CASR: variants seen among roughly 807,000 people sequenced by gnomAD.
CASR encodes calcium sensing receptor, also known as extracellular calcium-sensing receptor.
Under a neutral mutation model 69.1 loss-of-function variants are expected in CASR, and 23 were observed. The observed-to-expected ratio is 0.33, with a 90% CI of 0.24 to 0.47. The LOEUF (loss-of-function observed/expected upper bound fraction) is 0.47. CASR is among the 20% of genes least tolerant of loss of function. The probability of loss-of-function intolerance (pLI) is 1.00; values close to 1 mark genes in which losing one functional copy is unlikely to be tolerated. For synonymous variants in CASR, 541 were observed against 544.7 expected (o/e 0.99, Z 0.10); for missense variants, 924 against 1,356.1 (o/e 0.68, Z 5.00).
At chr3:122,261,470 A>G (rs1200059693) in intron 3 of CASR, 58 bp from the exon 4 acceptor site, 4 of 1,536,968 alleles carry the variant, frequency 2.6e-6, no homozygotes, top group Non-Finnish European at 3.6e-6. Context: ...CTGGAGGCTC[A>G]CTCAGCACCT....
In CASR at chr3:122,282,301, A is replaced by C. The variant is rs1357323457; in HGVS notation, c.1732+65A>C. On this transcript the variant is annotated intron_variant, in intron 6 of 6. Transcript: ENST00000639785. Reference sequence around the variant, plus strand: ...CACTTCGGAGGCCTGGGGTCAGTGAAGCCCATGGAAGGGCTGGGCTGAGAT... The same window carrying C: ...CACTTCGGAGGCCTGGGGTCAGTGACGCCCATGGAAGGGCTGGGCTGAGAT... 4 of 1,509,138 alleles carry C rather than the reference A, an allele frequency of 2.7e-6. No individual in the cohort carries two copies. The East Asian group carries it at 9.0e-5, about 34-fold the overall frequency. The allele number at this position is 1,509,138 out of a possible 1,614,324, so 93.5% of individuals were successfully genotyped here.
rs182318194 is a variant in CASR, at chr3:122,255,577, G to C, written c.185+1203G>C. 5.2e-3 allele frequency among the ~76,000 whole-genome samples: 794 copies of C among 152,250 alleles called. 8 individuals carry two copies. The highest frequency in any genetic ancestry group is 0.018 in the African/African-American group (756 of 41,558). On this transcript the variant is annotated intron_variant, in intron 2 of 6. Transcript: ENST00000639785. The stretch of plus-strand genomic sequence containing the variant: ...CCCTGCTGCACAGAGCTGTACATGT[G>C]CCATGTGTATACAGACCTAAGATCA...
chr3:122,277,429 G>A (rs1277381705), intron 5 of CASR, among the ~76,000 whole-genome samples: 1 of 152,126 alleles, frequency 6.6e-6, no homozygotes, highest in Non-Finnish European at 1.5e-5. Flanking sequence ...GGTTCCTGAT[G>A]AGATGCTACA....
intron 1 of CASR, among the ~76,000 whole-genome samples, chr3:122,250,792 G>A (rs1016176601): frequency 2.6e-5 from 4 of 152,092 alleles, no homozygotes; most frequent in Non-Finnish European, 4.4e-5. Context: ...GACACTGTAC[G>A]AAGTAAGTGC....
chr3:122,273,079 C>A (rs574183980), intron 4 of CASR, among the ~76,000 whole-genome samples: 2 of 152,306 alleles, frequency 1.3e-5, no homozygotes, highest in East Asian at 3.9e-4. Flanking sequence ...AGGAGAAAAG[C>A]AGCTTGTTGC....
chr3:122,229,501 A>G (rs2074259895), intron 1 of CASR, among the ~76,000 whole-genome samples: 1 of 151,606 alleles, frequency 6.6e-6, no homozygotes, highest in Non-Finnish European at 1.5e-5. Flanking sequence ...TTAATGTTCC[A>G]ATAAAATGCA....
At chr3:122,191,906 G>A (rs1263702992) in intron 1 of CASR, among the ~76,000 whole-genome samples, 4 of 152,316 alleles carry the variant, frequency 2.6e-5, no homozygotes, top group Admixed American at 1.3e-4. Context: ...ACATTAAGAT[G>A]TTGAAGATAA....
intron 4 of CASR, among the ~76,000 whole-genome samples, chr3:122,262,964 T>G (rs982105710): frequency 1.3e-5 from 2 of 152,150 alleles, no homozygotes; most frequent in African/African-American, 4.8e-5. Flanking sequence ...TGATATTGAG[T>G]GTTTCAAAAA....
intron 1 of CASR, among the ~76,000 whole-genome samples, chr3:122,198,419 T>C (rs1020216556): frequency 1.3e-5 from 2 of 152,202 alleles, no homozygotes; most frequent in African/African-American, 2.4e-5. Flanking sequence ...TATGTTTTTG[T>C]GATAATATGT....
At chr3:122,190,061 A>G (rs941408924) in intron 1 of CASR, among the ~76,000 whole-genome samples, 3 of 152,126 alleles carry the variant, frequency 2.0e-5, no homozygotes, top group Non-Finnish European at 4.4e-5. Flanking sequence ...GGGTAGGAAG[A>G]GAAGTGGGGT....
rs536336436 is a variant in CASR at position 122,258,884 on chromosome 3, T to C, written c.492+1497T>C. Among the ~76,000 whole-genome samples, 3 of 152,192 alleles carry C rather than the reference T, an allele frequency of 2.0e-5. No homozygotes were observed. In the East Asian group the frequency reaches 5.8e-4, roughly 29 times the overall value. ...ATGCAGCCTAGGTGTCGGGAGGTTTTAACACTCTGGAAGTGATTCTAATGT... is the reference window on the plus strand; with the variant it reads ...ATGCAGCCTAGGTGTCGGGAGGTTTCAACACTCTGGAAGTGATTCTAATGT... On this transcript the variant is annotated intron_variant, in intron 3 of 6. Coordinates refer to ENST00000639785, the MANE Select transcript of CASR (RefSeq NM_000388.4).
intron 1 of CASR, among the ~76,000 whole-genome samples, chr3:122,194,499 C>A (rs2073869695): frequency 6.6e-6 from 1 of 152,104 alleles, no homozygotes; most frequent in Non-Finnish European, 1.5e-5. Flanking sequence ...TCAAGCCACA[C>A]CAACAAGAAG....
chr3:122,208,245 C>T (rs950574168), intron 1 of CASR, among the ~76,000 whole-genome samples: 3 of 151,972 alleles, frequency 2.0e-5, no homozygotes, highest in Non-Finnish European at 2.9e-5. Flanking sequence ...TTTCTTTAGA[C>T]GGGTCTCACC....
At chr3:122,279,683 T>C (rs1576873731) in intron 5 of CASR, among the ~76,000 whole-genome samples, 1 of 152,194 alleles carries the variant, frequency 6.6e-6, no homozygotes, top group African/African-American at 2.4e-5. Context: ...AACAAAAATT[T>C]TTAACCTCTC....
chr3:122,187,395 A>G (rs1439496825), intron 1 of CASR, among the ~76,000 whole-genome samples: 1 of 152,254 alleles, frequency 6.6e-6, no homozygotes, highest in Admixed American at 6.5e-5. Flanking sequence ...ATTTTTATTC[A>G]TTCGACAGTG....
intron 1 of CASR, among the ~76,000 whole-genome samples, chr3:122,187,150 T>C (rs2073793865): frequency 6.6e-6 from 1 of 152,232 alleles, no homozygotes; most frequent in Non-Finnish European, 1.5e-5. Flanking sequence ...ATGTGGTTTA[T>C]ACACTGACTG....
intron 1 of CASR, among the ~76,000 whole-genome samples, chr3:122,252,397 AGGAAGGAAGGAAAAAG>A (rs2074497684): frequency 6.1e-5 from 1 of 16,394 alleles, no homozygotes; most frequent in African/African-American, 2.4e-4. Context: ...GAAGGAAGGA[AGGAAGGAAGGAAAAAG>A]AAAGAAAGAA....
chr3:122,230,278 T>A (rs991872641), intron 1 of CASR, among the ~76,000 whole-genome samples: 3 of 152,166 alleles, frequency 2.0e-5, no homozygotes, highest in Admixed American at 2.0e-4. Flanking sequence ...CGCCTCGCGG[T>A]GAGGGCCAGA....
intron 1 of CASR, among the ~76,000 whole-genome samples, chr3:122,196,748 A>G (rs868209419): frequency 6.6e-6 from 1 of 152,150 alleles, no homozygotes; most frequent in Non-Finnish European, 1.5e-5. Flanking sequence ...CATGTTGCCC[A>G]GGATGGTGGT....
Sources: allele counts gnomAD v4.1 joint callset (sites outside exome capture counted in the v4.1 genomes callset), GRCh38; gene constraint gnomAD v4.1.1; transcripts MANE v1.5; gene names NCBI Gene and HGNC (gene_info 2026-07-23, HGNC 2026-07-21).